The following ZDHHC14 variants were observed in gnomAD, a reference collection of about 807,000 sequenced individuals.
The protein encoded by ZDHHC14 is palmitoyltransferase ZDHHC14.
A neutral mutation model predicts 47.7 loss-of-function variants in ZDHHC14; 16 were observed. The ratio of observed to expected loss-of-function variants is 0.34; its 90% confidence interval spans 0.23 to 0.51. The LOEUF (loss-of-function observed/expected upper bound fraction) is 0.51. Among genes scored for constraint, ZDHHC14 ranks in the 20% least tolerant of loss-of-function variants. The probability of loss-of-function intolerance (pLI) is 0.97; values close to 1 mark genes in which losing one functional copy is unlikely to be tolerated. For missense variants in ZDHHC14, 515 were observed against 662.5 expected, an observed-to-expected ratio of 0.78 and a Z score of 2.44; for synonymous variants, 293 against 278.9, an observed-to-expected ratio of 1.05 and a Z score of -0.50.
chr6:157,384,088 T>C (rs912563792), intron 1 of ZDHHC14, among the ~76,000 whole-genome samples: 24 of 152,314 alleles, frequency 1.6e-4, no homozygotes, highest in African/African-American at 4.1e-4. Flanking sequence ...TCCTACAGTT[T>C]TTTAAAAAAA....
chr6:157,410,079 C>T (rs906117940), intron 1 of ZDHHC14, among the ~76,000 whole-genome samples: 3 of 152,254 alleles, frequency 2.0e-5, no homozygotes, highest in East Asian at 1.9e-4. Flanking sequence ...GATCTGCCCG[C>T]GCTGGCAGCT....
chr6:157,549,270 G>A (rs1195333121), intron 2 of ZDHHC14, among the ~76,000 whole-genome samples: 2 of 152,242 alleles, frequency 1.3e-5, no homozygotes, highest in African/African-American at 2.4e-5. Context: ...GTATGCCGCG[G>A]CCGGCGGGCT....
chr6:157,572,264 C>A (rs1283154649), intron 2 of ZDHHC14, among the ~76,000 whole-genome samples: 3 of 152,098 alleles, frequency 2.0e-5, no homozygotes, highest in Non-Finnish European at 4.4e-5. Context: ...ACACTCCCTC[C>A]CACTCATGAC....
At chr6:157,595,724 G>A (rs1272068703) in intron 3 of ZDHHC14, among the ~76,000 whole-genome samples, 1 of 152,138 alleles carries the variant, frequency 6.6e-6, no homozygotes, top group African/African-American at 2.4e-5. Context: ...TTCTGCATGT[G>A]TGAGTGTTTC....
At chr6:157,513,156 C>T (rs1780555805) in intron 1 of ZDHHC14, among the ~76,000 whole-genome samples, 1 of 152,240 alleles carries the variant, frequency 6.6e-6, no homozygotes. Context: ...GGAGATGGCT[C>T]AGCTTGTTCG....
chr6:157,490,382 G>A (rs1475614758), intron 1 of ZDHHC14, among the ~76,000 whole-genome samples: 4 of 152,174 alleles, frequency 2.6e-5, no homozygotes, highest in African/African-American at 7.2e-5. Context: ...ACATACGGAT[G>A]CACACACTCC....
In ZDHHC14 at chr6:157,672,726, C is replaced by G; in HGVS notation, c.1071C>G (p.Cys357Trp). The G allele has an allele frequency of 6.4e-7, 1 of 1,560,974 alleles. No individual in the cohort carries two copies. The highest frequency in any genetic ancestry group is 8.7e-7 in the Non-Finnish European group (1 of 1,147,708). The change falls in exon 9 of 9, where the codon TGC (cysteine) becomes TGG (tryptophan). Residue 357 changes from cysteine to tryptophan, a missense_variant and splice_region_variant. Cys to Trp is a radical substitution (Grantham distance 215). Coordinates refer to ENST00000359775, the MANE Select transcript of ZDHHC14 (RefSeq NM_024630.3). ...YGATQSQSDM[C>W]DQDQCIQSTK... ...TGCTGGCGCCTCCCGCTCTCCAGTG[C>G]GACCAAGACCAGTGCATTCAGAGCA...
intron 8 of ZDHHC14, among the ~76,000 whole-genome samples, chr6:157,662,295 C>T (rs987443454): frequency 1.3e-5 from 2 of 151,984 alleles, no homozygotes; most frequent in Non-Finnish European, 2.9e-5. Flanking sequence ...GATTCTCCTG[C>T]CTCAGACCCC....
At chr6:157,498,958 C>T (rs531031738) in intron 1 of ZDHHC14, among the ~76,000 whole-genome samples, 24 of 152,050 alleles carry the variant, frequency 1.6e-4, no homozygotes, top group African/African-American at 5.8e-4. Context: ...TAATTTGATT[C>T]ATATGGGTTC....
intron 3 of ZDHHC14, among the ~76,000 whole-genome samples, chr6:157,616,452 G>A (rs111774760): frequency 0.033 from 4,984 of 152,254 alleles, 297 homozygotes; most frequent in African/African-American, 0.11. Context: ...GTCCACAAGT[G>A]TCCAGGGGGT....
At chr6:157,611,651 G>A (rs1045885715) in intron 3 of ZDHHC14, among the ~76,000 whole-genome samples, 2 of 152,224 alleles carry the variant, frequency 1.3e-5, no homozygotes, top group Non-Finnish European at 2.9e-5. Context: ...GCAAGGGAGG[G>A]TGGACTCTGG....
chr6:157,614,580 A>G (rs1784885864), intron 3 of ZDHHC14, among the ~76,000 whole-genome samples: 1 of 152,116 alleles, frequency 6.6e-6, no homozygotes, highest in East Asian at 1.9e-4. Flanking sequence ...AAAACTCTCT[A>G]TAAATCCTCT....
At chr6:157,459,605 A>T (rs1216395320) in intron 1 of ZDHHC14, among the ~76,000 whole-genome samples, 1 of 152,104 alleles carries the variant, frequency 6.6e-6, no homozygotes, top group Non-Finnish European at 1.5e-5. Context: ...AGGTAGCTAG[A>T]GAGAGCCTCA....
intron 2 of ZDHHC14, among the ~76,000 whole-genome samples, chr6:157,592,377 A>G (rs1337133326): frequency 4.6e-5 from 7 of 152,170 alleles, no homozygotes; most frequent in Non-Finnish European, 1.0e-4. Context: ...TATTTTTTAC[A>G]ATCTGGTTTC....
At chr6:157,645,072 G>A (rs927226467) in intron 5 of ZDHHC14, among the ~76,000 whole-genome samples, 1 of 152,072 alleles carries the variant, frequency 6.6e-6, no homozygotes, top group Admixed American at 6.5e-5. Flanking sequence ...ATAGGTCAGG[G>A]GTTGGCTGAA....
intron 1 of ZDHHC14, among the ~76,000 whole-genome samples, chr6:157,440,053 C>T (rs1459837486): frequency 5.3e-5 from 8 of 152,060 alleles, no homozygotes; most frequent in Admixed American, 5.2e-4. Flanking sequence ...ATGGCTAATG[C>T]ATGCTGGGCT....
At position 157,418,409 on chromosome 6, in the gene ZDHHC14, C is replaced by T. The variant is rs1389928644; in HGVS notation, c.245+36143C>T. On this transcript the variant is annotated intron_variant, in intron 1 of 8. Coordinates refer to ENST00000359775, the MANE Select transcript of ZDHHC14 (RefSeq NM_024630.3). The stretch of plus-strand genomic sequence containing the variant: ...AGGCATGAACGAGGGTTAAGCAGTT[C>T]GAGAAGTGGGCTATAAAGCTGAGTG... 4.6e-5 allele frequency among the ~76,000 whole-genome samples: 7 copies of T among 152,154 alleles called. No individual in the cohort carries two copies. In the East Asian group the frequency reaches 5.8e-4, roughly 13 times the overall value.
At chr6:157,552,197 A>G (rs985022581) in intron 2 of ZDHHC14, among the ~76,000 whole-genome samples, 12 of 152,212 alleles carry the variant, frequency 7.9e-5, no homozygotes, top group Non-Finnish European at 1.6e-4. Flanking sequence ...TACTATCATT[A>G]GTAGTGTAAC....
At chr6:157,652,724 A>G (rs1435497510) in intron 7 of ZDHHC14, among the ~76,000 whole-genome samples, 1 of 152,186 alleles carries the variant, frequency 6.6e-6, no homozygotes, top group Non-Finnish European at 1.5e-5. Flanking sequence ...TCAGAGATAC[A>G]GATATTGAGA....
Sources: gnomAD v4.1 joint callset for allele counts (sites outside exome capture counted in the v4.1 genomes callset) on GRCh38, gnomAD v4.1.1 for gene constraint, MANE v1.5 for transcripts, NCBI Gene and HGNC (gene_info 2026-07-23, HGNC 2026-07-21) for gene names.